The following GRAMD2B variants were observed in gnomAD, a reference collection of about 807,000 sequenced individuals.
GRAMD2B encodes GRAM domain containing 2B.
Under a neutral mutation model 59.2 loss-of-function variants are expected in GRAMD2B, and 41 were observed. The observed-to-expected ratio is 0.69, with a 90% CI of 0.54 to 0.90. The LOEUF (loss-of-function observed/expected upper bound fraction) is 0.90, where lower values mean the gene tolerates loss of function less well. GRAMD2B is among the 40% of genes least tolerant of loss of function. The probability of loss-of-function intolerance (pLI) is 0.00; values close to 1 mark genes in which losing one functional copy is unlikely to be tolerated. For synonymous variants in GRAMD2B, 161 were observed against 182.7 expected (o/e 0.88, Z 0.96); for missense variants, 424 against 500.5 (o/e 0.85, Z 1.46).
chr5:126,477,671 A>T, intron 5 of GRAMD2B, 21 bp from the exon 6 acceptor site: 1 of 1,346,958 alleles, frequency 7.4e-7, no homozygotes, highest in Non-Finnish European at 1.1e-6. Context: ...AACTGGCATT[A>T]ACTTGCTGAT....
chr5:126,367,786 C>G (rs1046585083), upstream of GRAMD2B, among the ~76,000 whole-genome samples: 3 of 152,184 alleles, frequency 2.0e-5, no homozygotes, highest in Non-Finnish European at 4.4e-5. Flanking sequence ...GATTCTCACT[C>G]TGTCGCCCAG....
intron 1 of GRAMD2B, among the ~76,000 whole-genome samples, chr5:126,434,223 T>A (rs543107925): frequency 8.7e-4 from 133 of 152,350 alleles, no homozygotes; most frequent in African/African-American, 3.1e-3. Context: ...TATTCTGTCC[T>A]AAATTCATTT....
At chr5:126,458,447 A>C (rs1243257733) in intron 1 of GRAMD2B, among the ~76,000 whole-genome samples, 5 of 150,798 alleles carry the variant, frequency 3.3e-5, no homozygotes, top group South Asian at 2.1e-4. Flanking sequence ...CTCAAAACAA[A>C]AAAAAAAAAA....
At chr5:126,448,265 GA>G (rs1336500903) in intron 1 of GRAMD2B, among the ~76,000 whole-genome samples, 2 of 152,168 alleles carry the variant, frequency 1.3e-5, no homozygotes. Flanking sequence ...TTAGGACCTA[GA>G]GGGGGTTGGG....
chr5:126,369,078 A>G (rs1754607689), upstream of GRAMD2B, among the ~76,000 whole-genome samples: 1 of 151,328 alleles, frequency 6.6e-6, no homozygotes, highest in Non-Finnish European at 1.5e-5. Context: ...CAAACTCTCC[A>G]CTCTCCACTC....
At chr5:126,434,525 TA>T (rs1762089676) in intron 1 of GRAMD2B, among the ~76,000 whole-genome samples, 1 of 152,024 alleles carries the variant, frequency 6.6e-6, no homozygotes, top group Non-Finnish European at 1.5e-5. Context: ...TTTTTATTTT[TA>T]TTTTTTTTTG....
chr5:126,449,043 G>A (rs2126663334), intron 1 of GRAMD2B, among the ~76,000 whole-genome samples: 1 of 152,310 alleles, frequency 6.6e-6, no homozygotes, highest in South Asian at 2.1e-4. Flanking sequence ...AAGGAAGAGG[G>A]AAGAGGCAGA....
At chr5:126,421,018 G>C (rs780156439), upstream of GRAMD2B, among the ~76,000 whole-genome samples, 1 of 152,122 alleles carries the variant, frequency 6.6e-6, no homozygotes, top group Non-Finnish European at 1.5e-5. Flanking sequence ...ACTAATGTGA[G>C]GTACCTAAAA....
Position 126,371,622 on chromosome 5 carries a change from A to T in GRAMD2B, c.125+55A>T. 6 of 1,242,534 alleles carry T rather than the reference A, an allele frequency of 4.8e-6. No homozygotes were observed. In the South Asian group the frequency reaches 8.1e-5, roughly 17 times the overall value. 77.0% of individuals were successfully genotyped at this position (1,242,534 alleles called of 1,614,324 possible). ...GTCTGTCCCCCTGGTGGCCTCAGCT[A>T]CCCAACTGGTGACCCTTGGAGAGCT... On this transcript the variant is annotated intron_variant, in intron 1 of 8. Transcript: ENST00000506445.
intron 13 of GRAMD2B, 144 bp from the exon 14 acceptor site, chr5:126,492,771 C>G: frequency 1.8e-6 from 1 of 561,346 alleles, no homozygotes. Context: ...GAAAAAGCAT[C>G]TATTTGCCTC....
At chr5:126,371,625 C>G (rs561402445) in intron 1 of GRAMD2B, 13 of 1,236,382 alleles carry the variant, frequency 1.1e-5, no homozygotes, top group Middle Eastern at 2.8e-4. Flanking sequence ...CTCAGCTACC[C>G]AACTGGTGAC....
intron 1 of GRAMD2B, among the ~76,000 whole-genome samples, chr5:126,386,881 G>C (rs183955855): frequency 9.9e-5 from 15 of 152,264 alleles, no homozygotes; most frequent in African/African-American, 3.4e-4. Flanking sequence ...TAGGTGAATT[G>C]TCACTGTAAA....
chr5:126,440,701 A>G (rs1309951648), intron 1 of GRAMD2B, among the ~76,000 whole-genome samples: 1 of 152,222 alleles, frequency 6.6e-6, no homozygotes, highest in Non-Finnish European at 1.5e-5. Flanking sequence ...GCATGGAATT[A>G]AATTCAGAAG....
At chr5:126,475,701 C>T (rs1770444821) in intron 5 of GRAMD2B, among the ~76,000 whole-genome samples, 2 of 152,210 alleles carry the variant, frequency 1.3e-5, no homozygotes, top group South Asian at 2.1e-4. Flanking sequence ...CACAGTGGCT[C>T]ACGCCTGTAA....
At chr5:126,413,143 T>C (rs996423731) in intron 1 of GRAMD2B, among the ~76,000 whole-genome samples, 3 of 152,098 alleles carry the variant, frequency 2.0e-5, no homozygotes, top group African/African-American at 7.2e-5. Flanking sequence ...TATTTTCTTC[T>C]AGTAACTTAG....
At chr5:126,371,573 T>G in intron 1 of GRAMD2B, 1 of 1,286,920 alleles carries the variant, frequency 7.8e-7, no homozygotes, top group South Asian at 1.2e-5. Context: ...CTCAGGTGGG[T>G]ACAGCCTGGG....
rs370854449 is a variant in GRAMD2B at position 126,456,691 on chromosome 5, G to A, written c.84-8735G>A. Among the ~76,000 whole-genome samples the A allele has an allele frequency of 5.1e-4, 78 of 152,160 alleles. No individual in the cohort carries two copies. The East Asian group carries it at 6.6e-3, about 13-fold the overall frequency. On this transcript the variant is annotated intron_variant, in intron 1 of 13. Coordinates refer to ENST00000285689, the MANE Select transcript of GRAMD2B (RefSeq NM_023927.4). ...CTTCCCTCTCTTCCTTTTAACAGGCGTATCTTTCTAGTTCCTATTTTCATG... is the reference window on the plus strand; with the variant it reads ...CTTCCCTCTCTTCCTTTTAACAGGCATATCTTTCTAGTTCCTATTTTCATG...
At chr5:126,419,866 C>T (rs1463729440), upstream of GRAMD2B, among the ~76,000 whole-genome samples, 2 of 151,852 alleles carry the variant, frequency 1.3e-5, no homozygotes, top group Non-Finnish European at 2.9e-5. Flanking sequence ...ACCAGCCTGG[C>T]CAATATGGTG....
intron 8 of GRAMD2B, among the ~76,000 whole-genome samples, chr5:126,481,210 AGAAAGAAAGAAAG>A (rs1561598748): frequency 0.2 from 2,451 of 12,080 alleles, 63 homozygotes; most frequent in Middle Eastern, 0.35. Flanking sequence ...AAAAAAAGAA[AGAAAGAAAGAAAG>A]AAAGAAAGAA....
Sources: allele counts gnomAD v4.1 joint callset (sites outside exome capture counted in the v4.1 genomes callset), GRCh38; gene constraint gnomAD v4.1.1; transcripts MANE v1.5; gene names NCBI Gene and HGNC (gene_info 2026-07-23, HGNC 2026-07-21).